GRIA4: variants seen among roughly 807,000 people sequenced by gnomAD.
GRIA4 encodes glutamate receptor 4.
A neutral mutation model predicts 104.0 loss-of-function variants in GRIA4; 34 were observed. That is an observed-to-expected ratio of 0.33 (90% CI 0.25 to 0.44). The LOEUF (loss-of-function observed/expected upper bound fraction) is 0.44. Among genes scored for constraint, GRIA4 ranks in the 20% least tolerant of loss-of-function variants. The pLI is 1.00. For synonymous variants in GRIA4, 386 were observed against 381.9 expected, an observed-to-expected ratio of 1.01 and a Z score of -0.13; for missense variants, 750 against 1,096.5, an observed-to-expected ratio of 0.68 and a Z score of 4.46.
At chr11:105,620,147 A>G (rs183268671) in intron 3 of GRIA4, among the ~76,000 whole-genome samples, 87 of 152,040 alleles carry the variant, frequency 5.7e-4, no homozygotes, top group African/African-American at 1.9e-3. Context: ...CTTACAAATT[A>G]GTAAATCCAA....
rs182463208 is a variant in GRIA4 at position 105,918,255 on chromosome 11, G to A, written c.1270-457G>A. On this transcript the variant is annotated intron_variant, in intron 10 of 16. Coordinates refer to ENST00000282499, the MANE Select transcript of GRIA4 (RefSeq NM_000829.4). The stretch of plus-strand genomic sequence containing the variant: ...AAAATGACGTAACCTTTTTCTTAAA[G>A]GAAGTCACAGTTGAATGTGGCTAAA... 4.0e-3 allele frequency among the ~76,000 whole-genome samples: 605 copies of A among 152,198 alleles called. 5 individuals carry two copies. Among genetic ancestry groups the A allele is most frequent in the African/African-American group, 0.013 (558 of 41,546 alleles).
At chr11:105,868,621 T>C (rs185032568) in intron 5 of GRIA4, among the ~76,000 whole-genome samples, 8 of 152,306 alleles carry the variant, frequency 5.3e-5, no homozygotes, top group Non-Finnish European at 8.8e-5. Flanking sequence ...GAATTTCACC[T>C]GTCCAAGATT....
At chr11:105,825,813 C>A (rs1943750776) in intron 4 of GRIA4, among the ~76,000 whole-genome samples, 1 of 151,946 alleles carries the variant, frequency 6.6e-6, no homozygotes, top group African/African-American at 2.4e-5. Flanking sequence ...ATTGGGAGAT[C>A]CCTTATGATA....
intron 7 of GRIA4, among the ~76,000 whole-genome samples, chr11:105,902,949 C>G (rs1186961165): frequency 1.3e-5 from 2 of 152,194 alleles, no homozygotes; most frequent in Non-Finnish European, 2.9e-5. Context: ...TAATAAGTCT[C>G]TACCACAAGC....
chr11:105,700,379 G>A (rs929291455), intron 3 of GRIA4, among the ~76,000 whole-genome samples: 1 of 152,120 alleles, frequency 6.6e-6, no homozygotes, highest in Non-Finnish European at 1.5e-5. Flanking sequence ...GCAAGCTGAT[G>A]CCAGACACAT....
chr11:105,781,461 T>A (rs948413181), intron 4 of GRIA4, among the ~76,000 whole-genome samples: 2 of 152,192 alleles, frequency 1.3e-5, no homozygotes, highest in Non-Finnish European at 2.9e-5. Context: ...GTGGGTTTTT[T>A]AACCATAAGT....
chr11:105,815,585 C>T (rs1035910096), intron 4 of GRIA4, among the ~76,000 whole-genome samples: 2 of 151,880 alleles, frequency 1.3e-5, no homozygotes, highest in Non-Finnish European at 2.9e-5. Flanking sequence ...CTGTTGATGC[C>T]GCTCCAGCTG....
chr11:105,664,728 C>T (rs746623069), intron 3 of GRIA4, among the ~76,000 whole-genome samples: 2 of 151,952 alleles, frequency 1.3e-5, no homozygotes, highest in African/African-American at 4.8e-5. Flanking sequence ...AGAGAAATCA[C>T]TTTTGGACCA....
At chr11:105,782,372 C>A (rs1311056624) in intron 4 of GRIA4, among the ~76,000 whole-genome samples, 4 of 152,204 alleles carry the variant, frequency 2.6e-5, no homozygotes, top group Admixed American at 2.6e-4. Context: ...CTCAGCTTCT[C>A]TGAGACTCTT....
intron 3 of GRIA4, among the ~76,000 whole-genome samples, chr11:105,745,095 T>C (rs1939563576): frequency 6.6e-6 from 1 of 152,140 alleles, no homozygotes; most frequent in South Asian, 2.1e-4. Flanking sequence ...ACTTTTGAAA[T>C]GTTAGATAAA....
At chr11:105,945,534 T>C (rs779165932) in intron 14 of GRIA4, 8 of 792,664 alleles carry the variant, frequency 1.0e-5, no homozygotes, top group African/African-American at 3.7e-5. Context: ...AAAGAATGGC[T>C]TCCATCCATT....
intron 3 of GRIA4, among the ~76,000 whole-genome samples, chr11:105,628,454 A>G (rs576527552): frequency 6.6e-6 from 1 of 152,180 alleles, no homozygotes; most frequent in Non-Finnish European, 1.5e-5. Context: ...AGAGACCCGG[A>G]CGTTGGAGTT....
At chr11:105,672,766 A>C (rs1270559563) in intron 3 of GRIA4, among the ~76,000 whole-genome samples, 1 of 152,118 alleles carries the variant, frequency 6.6e-6, no homozygotes, top group African/African-American at 2.4e-5. Flanking sequence ...AAGTACTGTA[A>C]GAAATAATAT....
At chr11:105,903,722 C>T (rs1946945587) in intron 7 of GRIA4, 92 bp from the exon 8 acceptor site, 1 of 824,976 alleles carries the variant, frequency 1.2e-6, no homozygotes, top group Admixed American at 2.1e-5. Context: ...CAGAATGGTG[C>T]TTTATGTCAT....
intron 4 of GRIA4, among the ~76,000 whole-genome samples, chr11:105,798,572 C>G (rs1222513321): frequency 6.6e-6 from 1 of 152,142 alleles, no homozygotes; most frequent in East Asian, 1.9e-4. Flanking sequence ...TAGGATCTGT[C>G]TGTATACTAA....
At chr11:105,937,264 A>G (rs927489810) in intron 14 of GRIA4, among the ~76,000 whole-genome samples, 3 of 152,164 alleles carry the variant, frequency 2.0e-5, no homozygotes, top group Non-Finnish European at 2.9e-5. Flanking sequence ...CAATACTATC[A>G]ACACTATCAA....
intron 14 of GRIA4, among the ~76,000 whole-genome samples, chr11:105,951,736 T>C (rs1948461884): frequency 6.6e-6 from 1 of 152,060 alleles, no homozygotes; most frequent in Admixed American, 6.6e-5. Flanking sequence ...GGCAGGTGGA[T>C]CGCTTCAGCC....
chr11:105,978,733 TAA>T (rs1859120030), intron 16 of GRIA4, among the ~76,000 whole-genome samples: 1 of 152,166 alleles, frequency 6.6e-6, no homozygotes, highest in South Asian at 2.1e-4. Flanking sequence ...ATTTTCCTCT[TAA>T]GTTATAATTC....
At chr11:105,964,040 GA>G (rs1784521838) in intron 14 of GRIA4, among the ~76,000 whole-genome samples, 1 of 151,956 alleles carries the variant, frequency 6.6e-6, no homozygotes, top group African/African-American at 2.4e-5. Flanking sequence ...TTAATTTATT[GA>G]AAGACAAATT....
Sources: gnomAD v4.1 joint callset for allele counts (sites outside exome capture counted in the v4.1 genomes callset) on GRCh38, gnomAD v4.1.1 for gene constraint, MANE v1.5 for transcripts, NCBI Gene and HGNC (gene_info 2026-07-23, HGNC 2026-07-21) for gene names.